Variants in STN1 observed in about 807,000 individuals in gnomAD.
The protein encoded by STN1 is STN1 subunit of CST complex, also known as CST complex subunit STN1.
STN1 carries 29 observed loss-of-function variants against 45.5 expected under a neutral mutation model. That is an observed-to-expected ratio of 0.64 (90% CI 0.47 to 0.87). The LOEUF (loss-of-function observed/expected upper bound fraction) is 0.87. Among genes scored for constraint, STN1 ranks in the 40% least tolerant of loss-of-function variants. The pLI is 0.00. For synonymous variants in STN1, 148 were observed against 159.0 expected (o/e 0.93, Z 0.52); for missense variants, 376 against 441.4 (o/e 0.85, Z 1.33).
intron 3 of STN1, among the ~76,000 whole-genome samples, chr10:103,907,131 G>A (rs1843246872): frequency 6.6e-6 from 1 of 152,118 alleles, no homozygotes; most frequent in Non-Finnish European, 1.5e-5. Flanking sequence ...CTTAAAAAAA[G>A]TTGTTTTTAA....
chr10:103,893,883 G>C (rs948313670), intron 7 of STN1, among the ~76,000 whole-genome samples: 2 of 152,164 alleles, frequency 1.3e-5, no homozygotes, highest in Non-Finnish European at 2.9e-5. Flanking sequence ...ACAAGCTGGA[G>C]AACCTTGTCA....
At chr10:103,892,956 C>A (rs996995959) in intron 7 of STN1, among the ~76,000 whole-genome samples, 7 of 152,218 alleles carry the variant, frequency 4.6e-5, no homozygotes, top group African/African-American at 1.7e-4. Context: ...TATGTCCCCC[C>A]ATGCTTGACC....
rs1436486135 is a variant in STN1, at chr10:103,897,540, G to A, written c.753+8C>T. 4 of 1,613,094 alleles carry A rather than the reference G, an allele frequency of 2.5e-6. No individual in the cohort carries two copies. The highest frequency in any genetic ancestry group is 3.4e-6 in the Non-Finnish European group (4 of 1,179,186). ...ACCAGAATTCTCACATGGGCATGCT[G>A]CACTCACTTGGTCGGAGGAGGCACT... is the stretch of plus-strand genomic sequence containing the variant. On this transcript the variant is annotated splice_region_variant and intron_variant, in intron 7 of 9. Transcript: ENST00000224950.
chr10:103,914,187 T>C (rs998461385), intron 2 of STN1, among the ~76,000 whole-genome samples: 2 of 151,740 alleles, frequency 1.3e-5, no homozygotes, highest in Admixed American at 1.3e-4. Flanking sequence ...CACTTCATTG[T>C]ACCCACTAGA....
intron 2 of STN1, among the ~76,000 whole-genome samples, chr10:103,916,002 C>A (rs1843328446): frequency 6.6e-6 from 1 of 152,160 alleles, no homozygotes; most frequent in Non-Finnish European, 1.5e-5. Context: ...CACTGGCCAA[C>A]CACTCACTTC....
intron 9 of STN1, among the ~76,000 whole-genome samples, chr10:103,883,317 C>T (rs555663671): frequency 1.3e-5 from 2 of 152,174 alleles, no homozygotes; most frequent in African/African-American, 4.8e-5. Context: ...GGGATTCCTA[C>T]CTTTGGCCTG....
At chr10:103,893,714 C>T (rs986712032) in intron 7 of STN1, among the ~76,000 whole-genome samples, 5 of 152,128 alleles carry the variant, frequency 3.3e-5, no homozygotes, top group South Asian at 4.1e-4. Context: ...TTCACAAGTC[C>T]GTCCCAAAGT....
chr10:103,900,794 G>A (rs1410240937), intron 4 of STN1, among the ~76,000 whole-genome samples: 5 of 150,868 alleles, frequency 3.3e-5, no homozygotes, highest in African/African-American at 9.8e-5. Flanking sequence ...CTATAAACTC[G>A]AGCAACTTTA....
At chr10:103,896,934 A>G (rs1843174872) in intron 7 of STN1, among the ~76,000 whole-genome samples, 1 of 152,168 alleles carries the variant, frequency 6.6e-6, no homozygotes, top group African/African-American at 2.4e-5. Flanking sequence ...ATTGAGATGG[A>G]TGTTTAATCT....
At chr10:103,886,609 T>C (rs1268378234) in intron 9 of STN1, among the ~76,000 whole-genome samples, 1 of 152,148 alleles carries the variant, frequency 6.6e-6, no homozygotes, top group Non-Finnish European at 1.5e-5. Flanking sequence ...AGATCAATAT[T>C]AAACCAAGTA....
chr10:103,899,191 G>A (rs1229946959), intron 5 of STN1, among the ~76,000 whole-genome samples, 191 bp from the exon 6 acceptor site: 3 of 152,176 alleles, frequency 2.0e-5, no homozygotes, highest in Non-Finnish European at 2.9e-5. Context: ...GAGGGAATGC[G>A]ATGCCCTAAG....
In STN1 at chr10:103,910,612, C is replaced by T. The variant is rs775545391; in HGVS notation, c.144G>A (p.Leu48=). 4.4e-6 allele frequency: 7 copies of T among 1,596,234 alleles called. No homozygotes were observed. Among genetic ancestry groups the T allele is most frequent in the Non-Finnish European group, 6.0e-6 (7 of 1,165,664 alleles). ...KESRQVPGVF[L]YNGHPIKQVD... ...CCTGTTTTATTGGATGTCCATTGTA[C>T]AAAAATACACCTAAAATTTAAAAAA... Residue 48 remains leucine, a synonymous_variant, in exon 3 of 10, where the codon TTG becomes TTA. Transcript: ENST00000224950.
rs780397478 is a variant in STN1, at chr10:103,881,566, G to T, written c.*1118C>A. ...GTATCGAGCTGCAGCGGACTTCTGC[G>T]TATAAAGACTGTCCTGTTTCCACGG... On this transcript the variant is annotated 3_prime_UTR_variant, in exon 10 of 10. Transcript: ENST00000224950. Among the ~76,000 whole-genome samples, 3 of 152,206 alleles carry T rather than the reference G, an allele frequency of 2.0e-5. No individual in the cohort carries two copies. Among genetic ancestry groups the T allele is most frequent in the African/African-American group, 2.4e-5 (1 of 41,454 alleles).
intron 2 of STN1, among the ~76,000 whole-genome samples, chr10:103,912,135 A>T (rs1843296020): frequency 6.6e-6 from 1 of 152,064 alleles, no homozygotes; most frequent in African/African-American, 2.4e-5. Context: ...CCCCAAAAAG[A>T]GAGTCACCTC....
At position 103,899,620 on chromosome 10, in the gene STN1, G is replaced by A. The variant is rs115608246; in HGVS notation, c.457+442C>T. 2.6e-3 allele frequency among the ~76,000 whole-genome samples: 396 copies of A among 152,266 alleles called. 1 individual carries two copies. The highest frequency in any genetic ancestry group is 9.2e-3 in the African/African-American group (383 of 41,554). Reference sequence around the variant, plus strand: ...GAGAATCTCCTGAGCCCAGGAATTTGAGGCTGCATTGGGCTGTGACTGTGC... The same window carrying A: ...GAGAATCTCCTGAGCCCAGGAATTTAAGGCTGCATTGGGCTGTGACTGTGC... On this transcript the variant is annotated intron_variant, in intron 5 of 9. Transcript: ENST00000224950.
chr10:103,917,880 C>T (rs558410094), intron 1 of STN1, among the ~76,000 whole-genome samples: 1 of 152,208 alleles, frequency 6.6e-6, no homozygotes, highest in Non-Finnish European at 1.5e-5. Flanking sequence ...CCACAAAGCA[C>T]CAACTTCGGA....
chr10:103,913,086 C>T (rs192280458), intron 2 of STN1, among the ~76,000 whole-genome samples: 559 of 152,316 alleles, frequency 3.7e-3, no homozygotes, highest in South Asian at 0.017. Context: ...ATACCACTGT[C>T]GTGGTTTTAA....
intron 2 of STN1, among the ~76,000 whole-genome samples, chr10:103,911,589 C>T (rs1163103027): frequency 6.6e-6 from 1 of 151,990 alleles, no homozygotes; most frequent in Admixed American, 6.6e-5. Context: ...ACTTTGTTGC[C>T]CAGGCTGGTC....
intron 8 of STN1, among the ~76,000 whole-genome samples, chr10:103,891,571 TTCA>T (rs1412585925): frequency 6.6e-6 from 1 of 152,208 alleles, no homozygotes; most frequent in Admixed American, 6.5e-5. Context: ...CCAAATAGTG[TTCA>T]GATTGAGAAG....
Sources: gnomAD v4.1 joint callset for allele counts (sites outside exome capture counted in the v4.1 genomes callset) on GRCh38, gnomAD v4.1.1 for gene constraint, MANE v1.5 for transcripts, NCBI Gene and HGNC (gene_info 2026-07-23, HGNC 2026-07-21) for gene names.